CDKAL1: variants seen among roughly 807,000 people sequenced by gnomAD.
CDKAL1 encodes the protein CDKAL1 threonylcarbamoyladenosine tRNA methylthiotransferase, also known as threonylcarbamoyladenosine tRNA methylthiotransferase.
CDKAL1 carries 32 observed loss-of-function variants against 68.2 expected under a neutral mutation model. That is an observed-to-expected ratio of 0.47 (90% CI 0.35 to 0.63). The LOEUF is 0.63. Ranked by LOEUF, CDKAL1 falls within the 30% of genes least tolerant of loss-of-function variation. The pLI is 0.00. For missense variants in CDKAL1, 606 were observed against 696.7 expected (o/e 0.87, Z 1.47); for synonymous variants, 234 against 244.3 (o/e 0.96, Z 0.39).
At chr6:21,135,126 T>C (rs574070588) in intron 13 of CDKAL1, among the ~76,000 whole-genome samples, 3 of 152,240 alleles carry the variant, frequency 2.0e-5, no homozygotes, top group African/African-American at 7.2e-5. Context: ...TGTCTTGACT[T>C]TGCCTCCAAA....
Position 21,145,576 on chromosome 6 carries a change from A to C in CDKAL1, c.1299+37113A>C, listed in dbSNP as rs1210417855. Among the ~76,000 whole-genome samples, 4 of 152,234 alleles carry C rather than the reference A, an allele frequency of 2.6e-5. No homozygotes were observed. The East Asian group carries it at 7.7e-4, about 29-fold the overall frequency. ...AAGTTAATGTCAACAAAGAATGGTA[A>C]ATCAGATTTGCAATCTGTGATGTTA... On this transcript the variant is annotated intron_variant, in intron 13 of 15. Transcript: ENST00000274695.
chr6:21,205,118 A>C (rs896272609), intron 15 of CDKAL1, among the ~76,000 whole-genome samples: 2 of 152,190 alleles, frequency 1.3e-5, no homozygotes, highest in African/African-American at 2.4e-5. Context: ...ATGTTGTAGC[A>C]CGTGTCAGAA....
chr6:21,069,883 G>A (rs980264792), intron 12 of CDKAL1, among the ~76,000 whole-genome samples: 7 of 140,174 alleles, frequency 5.0e-5, no homozygotes, highest in East Asian at 2.4e-4. Context: ...TCCGCCTCCC[G>A]GGTTCACGCC....
intron 13 of CDKAL1, among the ~76,000 whole-genome samples, chr6:21,151,301 T>A (rs1776399927): frequency 6.6e-6 from 1 of 152,232 alleles, no homozygotes; most frequent in Non-Finnish European, 1.5e-5. Context: ...TGATTTTTAG[T>A]TTAACCCTCT....
chr6:21,110,436 A>C (rs1193452953), intron 13 of CDKAL1, among the ~76,000 whole-genome samples: 2 of 152,202 alleles, frequency 1.3e-5, no homozygotes, highest in African/African-American at 4.8e-5. Context: ...CGCATGAATT[A>C]ATAGAGGGTT....
chr6:20,995,589 T>C (rs2150807594), intron 10 of CDKAL1, among the ~76,000 whole-genome samples: 1 of 152,258 alleles, frequency 6.6e-6, no homozygotes, highest in African/African-American at 2.4e-5. Context: ...TCCTGAGCAG[T>C]AGGTCTCGAT....
intron 9 of CDKAL1, among the ~76,000 whole-genome samples, chr6:20,947,363 G>A (rs2150710391): frequency 1.3e-5 from 2 of 152,254 alleles, no homozygotes; most frequent in South Asian, 4.1e-4. Context: ...GGCCAAGGAG[G>A]ACAGATTTTT....
chr6:20,721,602 T>C (rs1444825548), intron 5 of CDKAL1, among the ~76,000 whole-genome samples: 1 of 152,100 alleles, frequency 6.6e-6, no homozygotes, highest in Admixed American at 6.6e-5. Context: ...GCTGGACAAA[T>C]GGTAATCTTA....
chr6:21,149,145 C>CGT (rs1554187842), intron 13 of CDKAL1, among the ~76,000 whole-genome samples: 1 of 146,620 alleles, frequency 6.8e-6, no homozygotes, highest in Non-Finnish European at 1.5e-5. Flanking sequence ...CTTCAAAAAA[C>CGT]TTTTTTTTTT....
intron 4 of CDKAL1, among the ~76,000 whole-genome samples, chr6:20,571,876 A>G (rs551329251): frequency 1.2e-3 from 176 of 152,252 alleles, no homozygotes; most frequent in Non-Finnish European, 2.1e-3. Flanking sequence ...TTTGGTAGAA[A>G]AATGTCTTTG....
chr6:20,907,473 G>A (rs1334368061), intron 9 of CDKAL1, among the ~76,000 whole-genome samples: 1 of 151,844 alleles, frequency 6.6e-6, no homozygotes, highest in Non-Finnish European at 1.5e-5. Flanking sequence ...GGAACATAAC[G>A]TTAAAAAATT....
chr6:21,223,148 C>CTAT (rs1432526773), intron 15 of CDKAL1, among the ~76,000 whole-genome samples: 1 of 152,142 alleles, frequency 6.6e-6, no homozygotes, highest in East Asian at 1.9e-4. Context: ...TGGATAAAAT[C>CTAT]TATTTGGTGG....
rs376225064 is a variant in CDKAL1, at chr6:20,732,534, G to A, written c.372-6985G>A. ...ATTCCTGACCTCAAGTGATCTGCCCGCCTCTGCCTCCCAAAGTGCTAGGAT... is the reference window on the plus strand; with the variant it reads ...ATTCCTGACCTCAAGTGATCTGCCCACCTCTGCCTCCCAAAGTGCTAGGAT... On this transcript the variant is annotated intron_variant, in intron 5 of 15. Coordinates refer to ENST00000274695, the MANE Select transcript of CDKAL1 (RefSeq NM_017774.3). 2.4e-3 allele frequency among the ~76,000 whole-genome samples: 361 copies of A among 150,520 alleles called. 2 individuals carry two copies. The highest frequency in any genetic ancestry group is 8.2e-3 in the African/African-American group (334 of 40,902).
At chr6:20,616,503 TG>T (rs1766908905) in intron 4 of CDKAL1, among the ~76,000 whole-genome samples, 1 of 143,128 alleles carries the variant, frequency 7.0e-6, no homozygotes, top group East Asian at 2.0e-4. Context: ...TCACATCCCT[TG>T]TAAGTTGGAT....
In CDKAL1 at chr6:20,756,893, T is replaced by C. The variant is rs998671906; in HGVS notation, c.469-1702T>C. 4.1e-4 allele frequency: 40 copies of C among 98,626 alleles called. 1 individual carries two copies. Among genetic ancestry groups the C allele is most frequent in the African/African-American group, 1.2e-3 (32 of 27,334 alleles). The allele number at this position is 98,626 out of a possible 1,614,324, so 6.1% of individuals were successfully genotyped here. On this transcript the variant is annotated intron_variant, in intron 6 of 15. Transcript: ENST00000274695. The stretch of plus-strand genomic sequence containing the variant: ...CTTCCTTCCTTCCTTCCTTCCTTCC[T>C]TCCTTCCTTCCTTCCTTCCTTCCTT...
At chr6:20,961,621 G>A (rs951064521) in intron 10 of CDKAL1, among the ~76,000 whole-genome samples, 6 of 152,032 alleles carry the variant, frequency 3.9e-5, no homozygotes, top group African/African-American at 1.4e-4. Context: ...CAAAAAATTA[G>A]CCGGGTGTGG....
chr6:21,026,883 T>C (rs1391900879), intron 11 of CDKAL1, among the ~76,000 whole-genome samples: 1 of 152,170 alleles, frequency 6.6e-6, no homozygotes, highest in East Asian at 1.9e-4. Context: ...CTGCCAAGGG[T>C]GCTCAGAAAC....
At chr6:21,129,289 A>G (rs1472154573) in intron 13 of CDKAL1, among the ~76,000 whole-genome samples, 1 of 152,210 alleles carries the variant, frequency 6.6e-6, no homozygotes, top group African/African-American at 2.4e-5. Flanking sequence ...ACTGAAAAAT[A>G]TGACCAGGGT....
intron 9 of CDKAL1, among the ~76,000 whole-genome samples, chr6:20,855,604 G>A (rs1581706025): frequency 6.6e-6 from 1 of 152,062 alleles, no homozygotes; most frequent in Non-Finnish European, 1.5e-5. Flanking sequence ...GGCTGTAAAG[G>A]ACTCCTGTTA....
Sources: gnomAD v4.1 joint callset for allele counts (sites outside exome capture counted in the v4.1 genomes callset) on GRCh38, gnomAD v4.1.1 for gene constraint, MANE v1.5 for transcripts, NCBI Gene and HGNC (gene_info 2026-07-23, HGNC 2026-07-21) for gene names.